SEPTIN3: variants seen among roughly 807,000 people sequenced by gnomAD.
SEPTIN3 encodes neuronal-specific septin-3.
A neutral mutation model predicts 45.1 loss-of-function variants in SEPTIN3; 15 were observed. The ratio of observed to expected loss-of-function variants is 0.33; its 90% CI spans 0.22 to 0.51. The LOEUF (loss-of-function observed/expected upper bound fraction) is 0.51. Among genes scored for constraint, SEPTIN3 ranks in the 20% least tolerant of loss-of-function variants. The pLI, the probability that SEPTIN3 is intolerant of heterozygous loss-of-function variation, is 0.97. For missense variants in SEPTIN3, 289 were observed against 457.2 expected (o/e 0.63, Z 3.35); for synonymous variants, 148 against 164.8 (o/e 0.90, Z 0.78).
At chr22:41,981,615 C>T (rs2078121537) in intron 2 of SEPTIN3, 30 bp from the exon 3 acceptor site, 1 of 1,586,812 alleles carries the variant, frequency 6.3e-7, no homozygotes. Flanking sequence ...CCTGATCACC[C>T]CTCCGACCCC....
At chr22:41,989,940 A>C (rs1453105036) in intron 7 of SEPTIN3, among the ~76,000 whole-genome samples, 1 of 152,138 alleles carries the variant, frequency 6.6e-6, no homozygotes, top group African/African-American at 2.4e-5. Flanking sequence ...AGACCACTGA[A>C]TACATGTATC....
rs117644134 is a variant in SEPTIN3, at chr22:41,988,015, C to T, written c.2045+256C>T. 9.8e-3 allele frequency among the ~76,000 whole-genome samples: 1,485 copies of T among 152,130 alleles called. 10 individuals carry two copies. Among genetic ancestry groups the T allele is most frequent in the Non-Finnish European group, 0.016 (1,076 of 68,032 alleles). On this transcript the variant is annotated intron_variant, in intron 6 of 11. Coordinates refer to ENST00000644076, the MANE Select transcript of SEPTIN3 (RefSeq NM_001363845.2). ...CCACCAATATCTGCCCACTGGTGTC[C>T]CAGCAGCATGGCACAACTGTATCAG... is the stretch of plus-strand genomic sequence containing the variant.
chr22:41,973,645 C>T (rs1569435555), intron 2 of SEPTIN3, among the ~76,000 whole-genome samples: 3 of 151,500 alleles, frequency 2.0e-5, no homozygotes, highest in Admixed American at 2.0e-4. Context: ...TGCACTCCAG[C>T]CTGGGCGACA....
chr22:41,983,072 C>T (rs945161423), intron 3 of SEPTIN3, among the ~76,000 whole-genome samples: 2 of 152,222 alleles, frequency 1.3e-5, no homozygotes, highest in Non-Finnish European at 2.9e-5. Context: ...CGTCTGCCCA[C>T]TTCTCTCCTC....
At chr22:41,990,927 G>T (rs1264910323) in intron 7 of SEPTIN3, among the ~76,000 whole-genome samples, 1 of 151,986 alleles carries the variant, frequency 6.6e-6, no homozygotes, top group African/African-American at 2.4e-5. Flanking sequence ...AGCTGGGCGT[G>T]GTGGCATATG....
Position 41,994,587 on chromosome 22 carries a change from T to A in SEPTIN3, c.2412-34T>A, listed in dbSNP as rs758613066. The A allele has an allele frequency of 6.2e-7, 1 of 1,613,226 alleles. No homozygotes were observed. The highest frequency in any genetic ancestry group is 2.2e-5 in the East Asian group (1 of 44,880). On this transcript the variant is annotated intron_variant, in intron 10 of 11. Coordinates refer to ENST00000644076, the MANE Select transcript of SEPTIN3 (RefSeq NM_001363845.2). This position sits in a 1 kb window ranked among gnomAD's most constrained non-coding sequence, Gnocchi z 4.2. Reference sequence around the variant, plus strand: ...ACCGCCTCCTCTTCCTGCCCCTAATTGCAGCCCTCTTCTTCTCACCCTGTG... The same window carrying A: ...ACCGCCTCCTCTTCCTGCCCCTAATAGCAGCCCTCTTCTTCTCACCCTGTG...
intron 2 of SEPTIN3, among the ~76,000 whole-genome samples, chr22:41,979,513 T>G (rs1044480937): frequency 1.3e-5 from 2 of 152,164 alleles, no homozygotes; most frequent in Non-Finnish European, 1.5e-5. Flanking sequence ...AAATGGGGCA[T>G]TGGTCCCAGT....
intron 7 of SEPTIN3, among the ~76,000 whole-genome samples, chr22:41,990,049 C>CTTTTT (rs753568212): frequency 7.5e-6 from 1 of 133,336 alleles, no homozygotes. Flanking sequence ...GGCATCTTCT[C>CTTTTT]TTTGTTTTTT....
At chr22:41,987,529 C>A in intron 5 of SEPTIN3, 93 bp from the exon 6 acceptor site, 1 of 1,447,234 alleles carries the variant, frequency 6.9e-7, no homozygotes, top group African/African-American at 1.4e-5. Flanking sequence ...CAGGGAATGA[C>A]ATGAATGTAA....
In SEPTIN3 at chr22:41,989,678, G is replaced by T; in HGVS notation, c.2157G>T (p.Lys719Asn). ...CCCTGGAGGAGAAGTCTGAATTCAA[G>T]CAAAGGGTGAGAAGGCCCCCTGTCT... ...TMTLEEKSEF[K>N]QRVRKELEVN... Residue 719 changes from lysine to asparagine, a missense_variant, in exon 7 of 12, where the codon AAG becomes AAT. Lys to Asn is a moderately conservative substitution (Grantham distance 94, BLOSUM62 0). This residue lies in a region of SEPTIN3 where 200 missense variants were observed against 315.1 expected (regional missense o/e 0.63). Coordinates refer to ENST00000644076, the MANE Select transcript of SEPTIN3 (RefSeq NM_001363845.2). The T allele has an allele frequency of 6.2e-7, 1 of 1,604,190 alleles. No homozygotes were observed. The highest frequency in any genetic ancestry group is 8.5e-7 in the Non-Finnish European group (1 of 1,171,016).
chr22:41,972,373 GCA>G lies in SEPTIN3; in HGVS notation c.884_885del (p.Thr295ArgfsTer107). 2.5e-6 allele frequency: 1 copy of G among 399,148 alleles called. No individual in the cohort carries two copies. Among genetic ancestry groups the G allele is most frequent in the Non-Finnish European group, 4.4e-6 (1 of 226,102 alleles). 24.7% of individuals were successfully genotyped at this position (399,148 alleles called of 1,614,324 possible). ...CCAAACACATCCCAACTGGACACAG[GCA>G]CAGAGTTCCCTGCCCTGGATATCAA... On this transcript the variant is annotated frameshift_variant, in exon 2 of 12. Coordinates refer to ENST00000644076, the MANE Select transcript of SEPTIN3 (RefSeq NM_001363845.2). LOFTEE classifies it high-confidence loss of function.
Position 41,972,403 on chromosome 22 carries a change from TG to T in SEPTIN3, c.914del (p.Gly305AlafsTer9). On this transcript the variant is annotated frameshift_variant, in exon 2 of 12. Coordinates refer to ENST00000644076, the MANE Select transcript of SEPTIN3 (RefSeq NM_001363845.2). LOFTEE classifies it high-confidence loss of function. Reference protein sequence around the residue: ...GTEFPALDIKLGTARDLSSVG... With the variant: ...GTEFPALDIKXGTARDLSSVG... ...GAGTTCCCTGCCCTGGATATCAAGC[TG>T]GGCACAGCCAGAGACTTGTCTTCGG... 5.0e-6 allele frequency: 2 copies of T among 399,066 alleles called. No individual in the cohort carries two copies. The highest frequency in any genetic ancestry group is 7.1e-5 in the East Asian group (2 of 28,086). The allele number at this position is 399,066 out of a possible 1,614,324, so 24.7% of individuals were successfully genotyped here. A position where few individuals can be genotyped will look rare whatever the true frequency, so the allele number is the denominator to read the frequency against.
At chr22:41,992,586 C>T in intron 8 of SEPTIN3, 78 bp from the exon 9 acceptor site, 1 of 876,602 alleles carries the variant, frequency 1.1e-6, no homozygotes. Flanking sequence ...GGACCATATG[C>T]CATCCTGCTC....
chr22:41,982,920 A>G lies in SEPTIN3; in HGVS notation c.1696+1084A>G, dbSNP rs906450316. Among the ~76,000 whole-genome samples, 2 of 151,812 alleles carry G rather than the reference A, an allele frequency of 1.3e-5. 1 individual carries two copies. The highest frequency in any genetic ancestry group is 4.8e-5 in the African/African-American group (2 of 41,320). ...AAAAAAAGAAGAAAAAAAAAAGAGTAGGAAGGGACCTTTGCCCCGTCTCAG... is the reference window on the plus strand; with the variant it reads ...AAAAAAAGAAGAAAAAAAAAAGAGTGGGAAGGGACCTTTGCCCCGTCTCAG... On this transcript the variant is annotated intron_variant, in intron 3 of 11. Transcript: ENST00000644076.
chr22:41,987,034 G>C (rs1307120286), intron 4 of SEPTIN3, among the ~76,000 whole-genome samples, 172 bp from the exon 5 acceptor site: 2 of 152,054 alleles, frequency 1.3e-5, no homozygotes, highest in Non-Finnish European at 2.9e-5. Context: ...CCAGATTCCA[G>C]GTACAGGGAA....
At chr22:41,989,176 T>G (rs541521454) in intron 6 of SEPTIN3, among the ~76,000 whole-genome samples, 56 of 150,636 alleles carry the variant, frequency 3.7e-4, no homozygotes, top group African/African-American at 1.3e-3. Context: ...TTTTTTTGGT[T>G]GTTGTTGTTT....
rs914981341 is a variant in SEPTIN3 at position 41,983,063 on chromosome 22, G to A, written c.1696+1227G>A. 4.6e-5 allele frequency among the ~76,000 whole-genome samples: 7 copies of A among 151,976 alleles called. No individual in the cohort carries two copies. The East Asian group carries it at 9.6e-4, about 21-fold the overall frequency. On this transcript the variant is annotated intron_variant, in intron 3 of 11. Transcript: ENST00000644076. ...ATTTTACCTCATACGTATCTCTTACGTCTGCCCACTTCTCTCCTCTCTCTT... is the reference window on the plus strand; with the variant it reads ...ATTTTACCTCATACGTATCTCTTACATCTGCCCACTTCTCTCCTCTCTCTT...
In SEPTIN3 at chr22:41,972,860, T is replaced by A. The variant is rs1222132061; in HGVS notation, c.1368T>A (p.Asn456Lys). 4 of 399,116 alleles carry A rather than the reference T, an allele frequency of 1.0e-5. No individual in the cohort carries two copies. The highest frequency in any genetic ancestry group is 4.1e-5 in the African/African-American group (2 of 48,638). 24.7% of individuals were successfully genotyped at this position (399,116 alleles called of 1,614,324 possible). The change falls in exon 2 of 12, where the codon AAT (asparagine) becomes AAA (lysine). Residue 456 changes from asparagine (N) to lysine (K), a missense_variant. Coordinates refer to ENST00000644076, the MANE Select transcript of SEPTIN3 (RefSeq NM_001363845.2). ...GGAAGACCACACTGGGCAGTGTTAA[T>A]AACCTAACCATATCAGACGTTGCTA... ...ATGKTTLGSV[N>K]NLTISDVATC...
chr22:41,985,700 G>A lies in SEPTIN3; in HGVS notation c.1697-284G>A, dbSNP rs572006186. The A allele has an allele frequency of 1.5e-5, 3 of 206,534 alleles. No individual in the cohort carries two copies. In the South Asian group the frequency reaches 3.8e-4, roughly 26 times the overall value. 12.8% of individuals were successfully genotyped at this position (206,534 alleles called of 1,614,324 possible). The stretch of plus-strand genomic sequence containing the variant: ...GAATCACGAGAAAACAGAAAACCAC[G>A]ACACTAGACATATGCAGAGGTTGTC... On this transcript the variant is annotated intron_variant, in intron 3 of 11. Coordinates refer to ENST00000644076, the MANE Select transcript of SEPTIN3 (RefSeq NM_001363845.2).
Sources: gnomAD v4.1 joint callset for allele counts (sites outside exome capture counted in the v4.1 genomes callset) on GRCh38, gnomAD v4.1.1 for gene constraint, gnomAD v4.1.1 regional missense constraint, Gnocchi (gnomAD v3.1) non-coding constraint, MANE v1.5 for transcripts, NCBI Gene and HGNC (gene_info 2026-07-23, HGNC 2026-07-21) for gene names.